DPP9: variants seen among roughly 807,000 people sequenced by gnomAD.
DPP9 encodes the protein dipeptidyl peptidase IV-related protein-2.
Under a neutral mutation model 110.7 loss-of-function variants are expected in DPP9, and 50 were observed. The observed-to-expected ratio is 0.45, with a 90% CI of 0.36 to 0.57. DPP9 has a LOEUF of 0.57. Ranked by LOEUF, DPP9 falls within the 20% of genes least tolerant of loss-of-function variation. The pLI, the probability that DPP9 is intolerant of heterozygous loss-of-function variation, is 0.00. For synonymous variants in DPP9, 561 were observed against 514.4 expected (o/e 1.09, Z -1.23); for missense variants, 1,022 against 1,217.9 (o/e 0.84, Z 2.39).
Position 4,706,676 on chromosome 19 carries a change from C to T in DPP9, c.314-706G>A, listed in dbSNP as rs529586181. 6.6e-5 allele frequency among the ~76,000 whole-genome samples: 10 copies of T among 152,240 alleles called. No individual in the cohort carries two copies. The South Asian group carries it at 2.1e-3, about 32-fold the overall frequency. ...ACTAAAAACACAAAAATTAGCCGGG[C>T]GTGGTGGCACGCGCCTGTAATCCCA... On this transcript the variant is annotated intron_variant, in intron 4 of 21. Transcript: ENST00000262960.
rs1359334819 is a variant in DPP9, at chr19:4,676,499, C to A, written c.*65G>T. Reference sequence around the variant, plus strand: ...GGCCCGCGGGCCACTCAGTCCCTCCCGCCTGGTTCCCCGCGGAGGCTGCAG... The same window carrying A: ...GGCCCGCGGGCCACTCAGTCCCTCCAGCCTGGTTCCCCGCGGAGGCTGCAG... On this transcript the variant is annotated 3_prime_UTR_variant, in exon 22 of 22. Coordinates refer to ENST00000262960, the MANE Select transcript of DPP9 (RefSeq NM_139159.5). This position sits in a 1 kb window ranked among gnomAD's most constrained non-coding sequence, Gnocchi z 4.0. 1 of 1,421,938 alleles carries A rather than the reference C, an allele frequency of 7.0e-7. No homozygotes were observed. The highest frequency in any genetic ancestry group is 1.2e-5 in the South Asian group (1 of 81,536). 88.1% of individuals were successfully genotyped at this position (1,421,938 alleles called of 1,614,324 possible). A position where few individuals can be genotyped will look rare whatever the true frequency, so the allele number is the denominator to read the frequency against.
At chr19:4,692,051 G>A (rs867562244) in intron 13 of DPP9, among the ~76,000 whole-genome samples, 2 of 151,918 alleles carry the variant, frequency 1.3e-5, no homozygotes, top group Middle Eastern at 3.2e-3. Context: ...AAACTCCTGG[G>A]CTCAAGTGAT....
intron 11 of DPP9, among the ~76,000 whole-genome samples, chr19:4,696,434 T>TG (rs2091804865): frequency 7.2e-6 from 1 of 139,616 alleles, no homozygotes; most frequent in South Asian, 2.3e-4. Context: ...TGCCTGGGCC[T>TG]GGGCAACATG....
chr19:4,716,621 A>G (rs1420238831), intron 3 of DPP9, among the ~76,000 whole-genome samples: 2 of 151,696 alleles, frequency 1.3e-5, no homozygotes, highest in Non-Finnish European at 2.9e-5. Context: ...TGGGCGACAG[A>G]GTGAGACTCT....
chr19:4,675,570 A>C lies in DPP9; in HGVS notation c.*994T>G, dbSNP rs1191646349. ...AGAGCGTGGAAGTTCGGTGCGTTTC[A>C]GTGCCTGCCTGAAAGCTTGGGGACA... On this transcript the variant is annotated 3_prime_UTR_variant, in exon 22 of 22. Coordinates refer to ENST00000262960, the MANE Select transcript of DPP9 (RefSeq NM_139159.5). 1 of 152,090 alleles carries C rather than the reference A, an allele frequency of 6.6e-6. No individual in the cohort carries two copies. The highest frequency in any genetic ancestry group is 1.5e-5 in the Non-Finnish European group (1 of 68,022). 9.4% of individuals were successfully genotyped at this position (152,090 alleles called of 1,614,324 possible).
At chr19:4,708,480 A>G (rs548328586) in intron 4 of DPP9, among the ~76,000 whole-genome samples, 1 of 152,212 alleles carries the variant, frequency 6.6e-6, no homozygotes, top group Non-Finnish European at 1.5e-5. Flanking sequence ...CTGTGGGTTC[A>G]GTGGGATGAA....
rs375573230 is a variant in DPP9, at chr19:4,688,718, G to A, written c.1885+39C>T. On this transcript the variant is annotated intron_variant, in intron 16 of 21. Coordinates refer to ENST00000262960, the MANE Select transcript of DPP9 (RefSeq NM_139159.5). ...CCCTCGTCCCGTTTTACAGCCGGGCGGGCGGAGGCCTCCGTGGGGCGGGGC... is the reference window on the plus strand; with the variant it reads ...CCCTCGTCCCGTTTTACAGCCGGGCAGGCGGAGGCCTCCGTGGGGCGGGGC... 64 of 1,391,688 alleles carry A rather than the reference G, an allele frequency of 4.6e-5. No individual in the cohort carries two copies. In the Middle Eastern group the frequency reaches 3.3e-3, roughly 72 times the overall value. The allele number at this position is 1,391,688 out of a possible 1,614,324, so 86.2% of individuals were successfully genotyped here. A position where few individuals can be genotyped will look rare whatever the true frequency, so the allele number is the denominator to read the frequency against.
At chr19:4,683,753 C>G in intron 18 of DPP9, 124 bp from the exon 19 acceptor site, 2 of 1,594,160 alleles carry the variant, frequency 1.3e-6, no homozygotes, top group Middle Eastern at 1.7e-4. Flanking sequence ...GCTGGAAGCC[C>G]CCTGTCCTTC....
chr19:4,689,485 G>T lies in DPP9; in HGVS notation c.1749+85C>A. On this transcript the variant is annotated intron_variant, in intron 15 of 21. Transcript: ENST00000262960. This position sits in a 1 kb window ranked among gnomAD's most constrained non-coding sequence, Gnocchi z 7.0. Reference sequence around the variant, plus strand: ...TGCGAGACCATGAGAATGACCCTGAGTGCTGTGCCGGGCCATGAGGGACTG... The same window carrying T: ...TGCGAGACCATGAGAATGACCCTGATTGCTGTGCCGGGCCATGAGGGACTG... 6.8e-7 allele frequency: 1 copy of T among 1,475,112 alleles called. No individual in the cohort carries two copies. The highest frequency in any genetic ancestry group is 9.0e-7 in the Non-Finnish European group (1 of 1,105,496). The allele number at this position is 1,475,112 out of a possible 1,614,324, so 91.4% of individuals were successfully genotyped here.
Position 4,713,830 on chromosome 19 carries a change from T to C in DPP9, c.313+251A>G, listed in dbSNP as rs1032144722. ...CTTGAGCCACGGCATCCTGGCCACATGGAGGAGCGGGGCTGCCCTGTGCAT... is the reference window on the plus strand; with the variant it reads ...CTTGAGCCACGGCATCCTGGCCACACGGAGGAGCGGGGCTGCCCTGTGCAT... On this transcript the variant is annotated intron_variant, in intron 4 of 21. Coordinates refer to ENST00000262960, the MANE Select transcript of DPP9 (RefSeq NM_139159.5). 1.3e-4 allele frequency among the ~76,000 whole-genome samples: 20 copies of C among 152,250 alleles called. No homozygotes were observed. In the South Asian group the frequency reaches 1.9e-3, roughly 14 times the overall value.
rs560845123 is a variant in DPP9, at chr19:4,692,784, C to T, written c.1517-1827G>A. The stretch of plus-strand genomic sequence containing the variant: ...TACATGAAATCCCAATGCCAGATGG[C>T]GGTGGCTGAGCCAGCCAGACAGAAA... On this transcript the variant is annotated intron_variant, in intron 13 of 21. Coordinates refer to ENST00000262960, the MANE Select transcript of DPP9 (RefSeq NM_139159.5). 7.6e-4 allele frequency among the ~76,000 whole-genome samples: 115 copies of T among 152,272 alleles called. 1 individual carries two copies. Among genetic ancestry groups the T allele is most frequent in the African/African-American group, 2.4e-3 (101 of 41,562 alleles).
intron 21 of DPP9, among the ~76,000 whole-genome samples, chr19:4,678,215 C>T (rs1008039980): frequency 5.3e-5 from 8 of 152,180 alleles, no homozygotes; most frequent in African/African-American, 1.4e-4. Flanking sequence ...CAGGTTCAAG[C>T]GATTCTCCTG....
chr19:4,681,896 T>G (rs1222498248), intron 20 of DPP9, among the ~76,000 whole-genome samples: 2 of 146,340 alleles, frequency 1.4e-5, no homozygotes, highest in East Asian at 4.0e-4. Context: ...GCCCAGACTG[T>G]AGTGCAGTGG....
At chr19:4,701,613 T>C (rs561202638) in intron 9 of DPP9, among the ~76,000 whole-genome samples, 4 of 152,388 alleles carry the variant, frequency 2.6e-5, no homozygotes, top group Middle Eastern at 3.4e-3. Flanking sequence ...ACATTTTCGC[T>C]AATATGAAAA....
In DPP9 at chr19:4,700,878, C is replaced by T. The variant is rs1243284429; in HGVS notation, c.1013-601G>A. Reference sequence around the variant, plus strand: ...TTGGCTAGACCTACGAGAAACTCAACTCCAGCCCTCGTGGCTCTGGCCTCC... The same window carrying T: ...TTGGCTAGACCTACGAGAAACTCAATTCCAGCCCTCGTGGCTCTGGCCTCC... On this transcript the variant is annotated intron_variant, in intron 9 of 21. Coordinates refer to ENST00000262960, the MANE Select transcript of DPP9 (RefSeq NM_139159.5). The surrounding 1 kb of genome is among the most constrained non-coding windows in gnomAD (Gnocchi z 4.3). 6.6e-6 allele frequency among the ~76,000 whole-genome samples: 1 copy of T among 152,234 alleles called. No individual in the cohort carries two copies. The highest frequency in any genetic ancestry group is 1.5e-5 in the Non-Finnish European group (1 of 68,040).
intron 2 of DPP9, among the ~76,000 whole-genome samples, chr19:4,720,559 C>T (rs1356353804): frequency 1.3e-5 from 2 of 152,078 alleles, no homozygotes; most frequent in Non-Finnish European, 2.9e-5. Context: ...ATACAATGGC[C>T]TGGACCATAA....
At chr19:4,699,999 C>G (rs1171605532) in intron 10 of DPP9, among the ~76,000 whole-genome samples, 2 of 152,218 alleles carry the variant, frequency 1.3e-5, no homozygotes, top group Non-Finnish European at 2.9e-5. Context: ...AGGACCCACT[C>G]TGTGAGGCAG....
chr19:4,705,774 G>T, intron 5 of DPP9, 84 bp downstream of exon 5: 2 of 1,335,786 alleles, frequency 1.5e-6, no homozygotes, highest in Non-Finnish European at 1.1e-6. Context: ...GCAGAGAGGT[G>T]ACCGAAGGCA....
Position 4,685,581 on chromosome 19 carries a change from G to T in DPP9, c.2031+45C>A. ...ACTTGAGTGGGGATGGGGAGTCCTC[G>T]GGTGGATGGTGGGGTGGGGGCCTGG... On this transcript the variant is annotated intron_variant, in intron 17 of 21. Coordinates refer to ENST00000262960, the MANE Select transcript of DPP9 (RefSeq NM_139159.5). This position sits in a 1 kb window ranked among gnomAD's most constrained non-coding sequence, Gnocchi z 5.8. 6.4e-7 allele frequency: 1 copy of T among 1,563,698 alleles called. No homozygotes were observed. The highest frequency in any genetic ancestry group is 2.3e-5 in the East Asian group (1 of 43,062).
Sources: gnomAD v4.1 joint callset for allele counts (sites outside exome capture counted in the v4.1 genomes callset) on GRCh38, gnomAD v4.1.1 for gene constraint, Gnocchi (gnomAD v3.1) non-coding constraint, MANE v1.5 for transcripts, NCBI Gene and HGNC (gene_info 2026-07-23, HGNC 2026-07-21) for gene names.